SKAP1: variants seen among roughly 807,000 people sequenced by gnomAD.
SKAP1 encodes the protein src kinase associated phosphoprotein 1.
A neutral mutation model predicts 58.5 loss-of-function variants in SKAP1; 44 were observed. The ratio of observed to expected loss-of-function variants is 0.75; its 90% CI spans 0.59 to 0.97. SKAP1 has a LOEUF of 0.97. Among genes scored for constraint, SKAP1 ranks in the 50% least tolerant of loss-of-function variants. The pLI, the probability that SKAP1 is intolerant of heterozygous loss-of-function variation, is 0.00. For synonymous variants in SKAP1, 127 were observed against 149.7 expected (o/e 0.85, Z 1.11); for missense variants, 390 against 435.2 (o/e 0.90, Z 0.92).
chr17:48,168,421 C>T (rs2064167307), intron 10 of SKAP1, among the ~76,000 whole-genome samples: 1 of 152,176 alleles, frequency 6.6e-6, no homozygotes, highest in East Asian at 1.9e-4. Context: ...CTTTGGGAGG[C>T]CAAGACGGTC....
the SKAP1 span, among the ~76,000 whole-genome samples, chr17:48,440,887 A>C: frequency 1.3e-5 from 2 of 152,198 alleles, no homozygotes. Context: ...CACTAAACTG[A>C]CAGGAAACAG....
chr17:48,244,289 T>G lies in SKAP1; in HGVS notation c.281-54789A>C, dbSNP rs2143837587. On this transcript the variant is annotated intron_variant, in intron 4 of 12. Coordinates refer to ENST00000336915, the MANE Select transcript of SKAP1 (RefSeq NM_003726.4). ...CCCCACATTCCAGTAACAAAGTCCTTCCTTCCTCCTTTGCCCCTAAACAAA... is the reference window on the plus strand; with the variant it reads ...CCCCACATTCCAGTAACAAAGTCCTGCCTTCCTCCTTTGCCCCTAAACAAA... Among the ~76,000 whole-genome samples, 2 of 152,256 alleles carry G rather than the reference T, an allele frequency of 1.3e-5. 1 individual carries two copies. Among genetic ancestry groups the G allele is most frequent in the South Asian group, 4.1e-4 (2 of 4,830 alleles).
chr17:48,155,809 AC>A, intron 11 of SKAP1, among the ~76,000 whole-genome samples: 1 of 152,206 alleles, frequency 6.6e-6, no homozygotes, highest in Non-Finnish European at 1.5e-5. Flanking sequence ...GTGAGCCGAG[AC>A]CGCGCCGCTG....
intron 12 of SKAP1, 77 bp downstream of exon 12, chr17:48,137,152 A>G (rs924671992): frequency 5.8e-6 from 5 of 866,432 alleles, no homozygotes; most frequent in African/African-American, 3.3e-5. Context: ...GGCAACTCTC[A>G]TCTTTCAGAG....
At chr17:48,361,343 C>G (rs1029878686) in intron 3 of SKAP1, among the ~76,000 whole-genome samples, 1 of 151,546 alleles carries the variant, frequency 6.6e-6, no homozygotes, top group Non-Finnish European at 1.5e-5. Flanking sequence ...GTGGCTGGGA[C>G]TACAGGCATG....
intron 3 of SKAP1, among the ~76,000 whole-genome samples, chr17:48,358,226 A>G (rs1194471770): frequency 6.6e-6 from 1 of 152,200 alleles, no homozygotes; most frequent in African/African-American, 2.4e-5. Flanking sequence ...TATAAATCCT[A>G]CTTATGACTG....
At chr17:48,433,248 C>T (rs1158440864), upstream of SKAP1, among the ~76,000 whole-genome samples, 1 of 152,102 alleles carries the variant, frequency 6.6e-6, no homozygotes, top group Non-Finnish European at 1.5e-5. Context: ...CCATGGAAAC[C>T]ACATGGAGGA....
rs1259877653 is a variant in SKAP1 at position 48,430,114 on chromosome 17, C to T, written c.7G>A (p.Ala3Thr). The T allele has an allele frequency of 7.9e-7, 1 of 1,262,052 alleles. No individual in the cohort carries two copies. The allele number at this position is 1,262,052 out of a possible 1,614,324, so 78.2% of individuals were successfully genotyped here. The change falls in exon 1 of 13, where the codon GCC becomes ACC. Residue 3 changes from alanine to threonine, a missense_variant. Ala to Thr is a moderately conservative substitution (Grantham distance 58). Transcript: ENST00000336915. MQ[A>T]AALPEEIRWL... Reference sequence around the variant, plus strand: ...CGGATCTCCTCAGGGAGGGCGGCGGCCTGCATTTGGCTGGGCGGGAGAGAG... The same window carrying T: ...CGGATCTCCTCAGGGAGGGCGGCGGTCTGCATTTGGCTGGGCGGGAGAGAG...
intron 4 of SKAP1, among the ~76,000 whole-genome samples, chr17:48,273,252 C>T (rs1357083980): frequency 6.6e-6 from 1 of 152,140 alleles, no homozygotes; most frequent in Admixed American, 6.5e-5. Flanking sequence ...CCTTTCTGTG[C>T]CTCCTGGGCC....
At chr17:48,165,951 C>A (rs1015690085) in intron 10 of SKAP1, among the ~76,000 whole-genome samples, 1 of 152,168 alleles carries the variant, frequency 6.6e-6, no homozygotes, top group Non-Finnish European at 1.5e-5. Flanking sequence ...AAGCTTAATG[C>A]CAGCATTTCT....
intron 4 of SKAP1, among the ~76,000 whole-genome samples, chr17:48,310,960 G>A (rs2066215430): frequency 6.6e-6 from 1 of 152,184 alleles, no homozygotes; most frequent in Non-Finnish European, 1.5e-5. Flanking sequence ...CAGTCCCACT[G>A]AAAGACGGAT....
At chr17:48,264,768 AC>A (rs2065523842) in intron 4 of SKAP1, among the ~76,000 whole-genome samples, 1 of 151,570 alleles carries the variant, frequency 6.6e-6, no homozygotes, top group Non-Finnish European at 1.5e-5. Context: ...ACACACACAC[AC>A]ACACACACAC....
At chr17:48,179,000 A>G (rs373276245) in intron 9 of SKAP1, among the ~76,000 whole-genome samples, 1 of 152,046 alleles carries the variant, frequency 6.6e-6, no homozygotes, top group Non-Finnish European at 1.5e-5. Context: ...CCCCAGGAAG[A>G]GATGAATGCA....
intron 2 of SKAP1, among the ~76,000 whole-genome samples, chr17:48,368,318 G>A (rs1486670751): frequency 6.6e-6 from 1 of 152,056 alleles, no homozygotes; most frequent in Non-Finnish European, 1.5e-5. Flanking sequence ...TCTTCAGGAG[G>A]GATTTAGTAA....
chr17:48,196,208 C>A (rs1243982290), intron 4 of SKAP1, among the ~76,000 whole-genome samples: 3 of 152,206 alleles, frequency 2.0e-5, no homozygotes, highest in Non-Finnish European at 2.9e-5. Context: ...GAGCTTCAGA[C>A]ATGCACAGAA....
intron 5 of SKAP1, among the ~76,000 whole-genome samples, chr17:48,188,829 T>C (rs2064495378): frequency 6.6e-6 from 1 of 152,144 alleles, no homozygotes; most frequent in Non-Finnish European, 1.5e-5. Flanking sequence ...TGAAATCCTG[T>C]CTCTGCTAAA....
chr17:48,364,662 G>A lies in SKAP1; in HGVS notation c.153-848C>T, dbSNP rs187954073. On this transcript the variant is annotated intron_variant, in intron 2 of 12. Transcript: ENST00000336915. Reference sequence around the variant, plus strand: ...TGCACTCCAGCCTGGGTGACAGAGCGAGACTCCATCTCAACAAAACAAAAC... The same window carrying A: ...TGCACTCCAGCCTGGGTGACAGAGCAAGACTCCATCTCAACAAAACAAAAC... Among the ~76,000 whole-genome samples, 200 of 152,168 alleles carry A rather than the reference G, an allele frequency of 1.3e-3. 1 individual carries two copies. Among genetic ancestry groups the A allele is most frequent in the African/African-American group, 4.6e-3 (191 of 41,504 alleles).
chr17:48,170,347 T>A (rs1421928551), intron 10 of SKAP1, among the ~76,000 whole-genome samples: 1 of 152,170 alleles, frequency 6.6e-6, no homozygotes, highest in Non-Finnish European at 1.5e-5. Flanking sequence ...TAGGAAAAAA[T>A]AAATGTCTGG....
At chr17:48,409,617 G>A (rs2067636091) in intron 1 of SKAP1, among the ~76,000 whole-genome samples, 2 of 148,718 alleles carry the variant, frequency 1.3e-5, no homozygotes, top group African/African-American at 5.0e-5. Flanking sequence ...GCAGTGAGCC[G>A]AGATTGTGCC....
Sources: allele counts gnomAD v4.1 joint callset (sites outside exome capture counted in the v4.1 genomes callset), GRCh38; gene constraint gnomAD v4.1.1; transcripts MANE v1.5; gene names NCBI Gene and HGNC (gene_info 2026-07-23, HGNC 2026-07-21).